The following KHDRBS2 variants were observed in gnomAD, a reference collection of about 807,000 sequenced individuals.
KHDRBS2 encodes KH RNA binding domain containing, signal transduction associated 2.
Under a neutral mutation model 44.3 loss-of-function variants are expected in KHDRBS2, and 26 were observed. That is an observed-to-expected ratio of 0.59 (90% confidence interval 0.43 to 0.81). The LOEUF is 0.81. Ranked by LOEUF, KHDRBS2 falls within the 40% of genes least tolerant of loss-of-function variation. The probability of loss-of-function intolerance (pLI) is 0.00; values close to 1 mark genes in which losing one functional copy is unlikely to be tolerated. For missense variants in KHDRBS2, 476 were observed against 433.1 expected (o/e 1.10, Z -0.88); for synonymous variants, 194 against 151.1 (o/e 1.28, Z -2.08).
At chr6:61,902,322 A>C (rs996250248) in intron 4 of KHDRBS2, among the ~76,000 whole-genome samples, 5 of 152,204 alleles carry the variant, frequency 3.3e-5, no homozygotes, top group African/African-American at 1.2e-4. Flanking sequence ...TGAGAGCCAG[A>C]GAAAAAGGTA....
At chr6:61,824,214 G>C (rs1790471639) in intron 6 of KHDRBS2, among the ~76,000 whole-genome samples, 1 of 152,058 alleles carries the variant, frequency 6.6e-6, no homozygotes, top group South Asian at 2.1e-4. Context: ...CAAATCTCAT[G>C]TCAAACTGTG....
chr6:61,621,093 G>A, the KHDRBS2 span, among the ~76,000 whole-genome samples: 1 of 152,142 alleles, frequency 6.6e-6, no homozygotes, highest in Admixed American at 6.6e-5. Flanking sequence ...TGATGGGGCT[G>A]GGGACTACAT....
intron 4 of KHDRBS2, among the ~76,000 whole-genome samples, chr6:61,909,769 A>G (rs1210193912): frequency 1.3e-5 from 2 of 152,192 alleles, no homozygotes; most frequent in Non-Finnish European, 2.9e-5. Flanking sequence ...TTTTGCCCAA[A>G]TACAAATTGG....
At chr6:61,659,834 G>A in the KHDRBS2 span, among the ~76,000 whole-genome samples, 49 of 151,786 alleles carry the variant, frequency 3.2e-4, no homozygotes, top group African/African-American at 1.1e-3. Context: ...CTGGATTAAG[G>A]TTGGGCCCAT....
chr6:61,578,067 C>T, the KHDRBS2 span, among the ~76,000 whole-genome samples: 1 of 152,234 alleles, frequency 6.6e-6, no homozygotes, highest in African/African-American at 2.4e-5. Flanking sequence ...AGGTAGAAGA[C>T]ACTGGACTGA....
At chr6:61,560,379 C>T in the KHDRBS2 span, among the ~76,000 whole-genome samples, 1 of 152,076 alleles carries the variant, frequency 6.6e-6, no homozygotes, top group African/African-American at 2.4e-5. Flanking sequence ...CTGCTGTTAT[C>T]CTTTTGAATA....
At chr6:61,571,325 G>T in the KHDRBS2 span, among the ~76,000 whole-genome samples, 7 of 151,772 alleles carry the variant, frequency 4.6e-5, no homozygotes, top group Admixed American at 2.6e-4. Flanking sequence ...AAGACAAAAA[G>T]GGACATTATA....
the KHDRBS2 span, among the ~76,000 whole-genome samples, chr6:61,623,849 A>C: frequency 6.6e-6 from 1 of 152,196 alleles, no homozygotes; most frequent in African/African-American, 2.4e-5. Context: ...GAAAATTGGT[A>C]GTGGTTGCAT....
intron 4 of KHDRBS2, among the ~76,000 whole-genome samples, chr6:61,936,559 C>T (rs1811074045): frequency 6.6e-6 from 1 of 151,664 alleles, no homozygotes; most frequent in African/African-American, 2.4e-5. Context: ...CAATTTGGGA[C>T]TCATCTTTAT....
chr6:61,574,560 C>T, the KHDRBS2 span, among the ~76,000 whole-genome samples: 1 of 152,258 alleles, frequency 6.6e-6, no homozygotes, highest in South Asian at 2.1e-4. Context: ...GCTGAGACTT[C>T]ACCAGTCAAA....
chr6:61,953,865 C>A (rs189476167), intron 4 of KHDRBS2, among the ~76,000 whole-genome samples: 2 of 152,022 alleles, frequency 1.3e-5, no homozygotes, highest in African/African-American at 4.8e-5. Flanking sequence ...GGCAAATAAA[C>A]CTAAACAAGA....
chr6:61,653,316 C>A, the KHDRBS2 span, among the ~76,000 whole-genome samples: 2 of 152,058 alleles, frequency 1.3e-5, no homozygotes, highest in Admixed American at 1.3e-4. Flanking sequence ...GATAAAACTT[C>A]TGTGGACAGG....
intron 8 of KHDRBS2, among the ~76,000 whole-genome samples, chr6:61,695,893 GC>G (rs1767851864): frequency 6.6e-6 from 1 of 151,986 alleles, no homozygotes; most frequent in Non-Finnish European, 1.5e-5. Flanking sequence ...ATCATATGAA[GC>G]CCCAAACACA....
intron 4 of KHDRBS2, among the ~76,000 whole-genome samples, chr6:61,935,005 CT>C (rs1810771623): frequency 6.6e-6 from 1 of 152,168 alleles, no homozygotes; most frequent in Non-Finnish European, 1.5e-5. Context: ...TCACAATTGC[CT>C]TGCCATTTGA....
intron 6 of KHDRBS2, among the ~76,000 whole-genome samples, chr6:61,793,055 G>C (rs1209811593): frequency 6.6e-6 from 1 of 151,862 alleles, no homozygotes; most frequent in Non-Finnish European, 1.5e-5. Flanking sequence ...ATTTTACTTA[G>C]AGATAAACAC....
chr6:62,284,640 A>T (rs539251566), intron 1 of KHDRBS2, among the ~76,000 whole-genome samples: 6 of 152,070 alleles, frequency 3.9e-5, no homozygotes, highest in Non-Finnish European at 8.8e-5. Context: ...TTTCCCTGAA[A>T]ACAGTTTAGT....
intron 6 of KHDRBS2, among the ~76,000 whole-genome samples, chr6:61,863,065 A>T (rs965543091): frequency 1.3e-5 from 2 of 151,946 alleles, no homozygotes; most frequent in African/African-American, 4.8e-5. Context: ...TTTGTTATTT[A>T]TATGTATAGA....
At chr6:61,892,093 C>T (rs1226123202) in intron 6 of KHDRBS2, among the ~76,000 whole-genome samples, 1 of 152,118 alleles carries the variant, frequency 6.6e-6, no homozygotes, top group Non-Finnish European at 1.5e-5. Context: ...CACAAGCATT[C>T]GTATACACCA....
the KHDRBS2 span, among the ~76,000 whole-genome samples, chr6:61,629,871 A>G: frequency 1.3e-5 from 2 of 152,200 alleles, no homozygotes; most frequent in African/African-American, 2.4e-5. Context: ...AAGAGTCCAC[A>G]TTATTTTTAC....
Sources: gnomAD v4.1 joint callset for allele counts (sites outside exome capture counted in the v4.1 genomes callset) on GRCh38, gnomAD v4.1.1 for gene constraint, MANE v1.5 for transcripts, NCBI Gene and HGNC (gene_info 2026-07-23, HGNC 2026-07-21) for gene names.